Variants in COX10 observed in about 807,000 individuals in gnomAD.
The protein encoded by COX10 is cytochrome c oxidase assembly factor heme A:farnesyltransferase COX10, also known as protoheme IX farnesyltransferase, mitochondrial.
A neutral mutation model predicts 37.3 loss-of-function variants in COX10; 27 were observed. The ratio of observed to expected loss-of-function variants is 0.72; its 90% CI spans 0.53 to 1.00. The LOEUF (loss-of-function observed/expected upper bound fraction) is 1.00, where lower values mean the gene tolerates loss of function less well. COX10 is among the 50% of genes least tolerant of loss of function. The probability of loss-of-function intolerance (pLI) is 0.00; values close to 1 mark genes in which losing one functional copy is unlikely to be tolerated. For missense variants in COX10, 475 were observed against 563.2 expected (o/e 0.84, Z 1.59); for synonymous variants, 222 against 229.1 (o/e 0.97, Z 0.28).
At chr17:14,114,693 C>A (rs1916073682) in intron 4 of COX10, among the ~76,000 whole-genome samples, 1 of 152,032 alleles carries the variant, frequency 6.6e-6, no homozygotes, top group African/African-American at 2.4e-5. Flanking sequence ...ATAGTCATAT[C>A]CATATAGAAC....
rs923815297 is a variant in COX10 at position 14,131,764 on chromosome 17, C to G, written c.625-28113C>G. 3.3e-5 allele frequency among the ~76,000 whole-genome samples: 5 copies of G among 152,022 alleles called. 1 individual carries two copies. Among genetic ancestry groups the G allele is most frequent in the Non-Finnish European group, 7.4e-5 (5 of 67,926 alleles). On this transcript the variant is annotated intron_variant, in intron 4 of 6. Transcript: ENST00000261643. ...AATAATAGCAAATTCAAAGGAGTTT[C>G]ATGAGACTGAGACAGTCACTGTAAG...
At chr17:14,161,751 G>A (rs953746267) in intron 5 of COX10, among the ~76,000 whole-genome samples, 1 of 152,216 alleles carries the variant, frequency 6.6e-6, no homozygotes, top group Non-Finnish European at 1.5e-5. Flanking sequence ...TGGACTCCAG[G>A]ACATACACCA....
chr17:14,134,272 T>A (rs1916530407), intron 4 of COX10, among the ~76,000 whole-genome samples: 2 of 151,808 alleles, frequency 1.3e-5, no homozygotes, highest in African/African-American at 4.8e-5. Context: ...ATATTATTAA[T>A]CATATGCATA....
At chr17:14,087,516 T>G (rs1235743266) in intron 3 of COX10, among the ~76,000 whole-genome samples, 2 of 152,126 alleles carry the variant, frequency 1.3e-5, no homozygotes, top group Admixed American at 1.3e-4. Flanking sequence ...GTTGAACGGA[T>G]GCAGGGTTGG....
At chr17:14,076,594 C>T (rs954027797) in intron 2 of COX10, 141 bp from the exon 3 acceptor site, 1 of 787,182 alleles carries the variant, frequency 1.3e-6, no homozygotes, top group Non-Finnish European at 2.1e-6. Flanking sequence ...TCTATAAATA[C>T]ATGCCGAATT....
chr17:14,169,754 AC>A (rs1158457030), intron 5 of COX10, among the ~76,000 whole-genome samples: 1 of 152,226 alleles, frequency 6.6e-6, no homozygotes, highest in Non-Finnish European at 1.5e-5. Flanking sequence ...TTAGGGACTT[AC>A]ATTGAAGGGT....
At chr17:14,188,210 A>G (rs1906095506) in intron 5 of COX10, among the ~76,000 whole-genome samples, 1 of 75,174 alleles carries the variant, frequency 1.3e-5, no homozygotes, top group African/African-American at 3.7e-5. Flanking sequence ...AGAGTCTCAT[A>G]GGGAAAAAAA....
At chr17:14,177,451 G>A (rs1257083347) in intron 5 of COX10, 2 of 399,268 alleles carry the variant, frequency 5.0e-6, no homozygotes, top group East Asian at 7.4e-5. Context: ...AACTTCCAGG[G>A]ACACAAGAAA....
intron 5 of COX10, among the ~76,000 whole-genome samples, chr17:14,180,957 A>G (rs922060111): frequency 2.0e-5 from 3 of 152,148 alleles, no homozygotes; most frequent in African/African-American, 7.2e-5. Flanking sequence ...GTGCAAAGTC[A>G]CTTCACTGAA....
intron 6 of COX10, among the ~76,000 whole-genome samples, chr17:14,200,393 A>G (rs1038579354): frequency 2.0e-5 from 3 of 152,220 alleles, no homozygotes; most frequent in Admixed American, 6.5e-5. Flanking sequence ...ATAAAAATAC[A>G]TAGCATTTTC....
chr17:14,153,898 A>G (rs547518725), intron 4 of COX10, among the ~76,000 whole-genome samples: 1 of 152,362 alleles, frequency 6.6e-6, no homozygotes, highest in African/African-American at 2.4e-5. Context: ...GCAAGTAAAA[A>G]GATGCACAAA....
At chr17:14,205,732 T>C (rs12452172) in intron 6 of COX10, among the ~76,000 whole-genome samples, 66,690 of 152,070 alleles carry the variant, frequency 0.44, 14,810 homozygotes, top group Admixed American at 0.48. Flanking sequence ...TTTGAATTGC[T>C]CTTCCGTCTC....
intron 5 of COX10, among the ~76,000 whole-genome samples, chr17:14,181,152 G>A (rs1351914058): frequency 6.6e-6 from 1 of 152,200 alleles, no homozygotes; most frequent in African/African-American, 2.4e-5. Context: ...AGTCTTAGAG[G>A]ATGAGTAAGA....
At chr17:14,202,618 G>C (rs1350648491) in intron 6 of COX10, among the ~76,000 whole-genome samples, 1 of 152,114 alleles carries the variant, frequency 6.6e-6, no homozygotes, top group Non-Finnish European at 1.5e-5. Flanking sequence ...TGAGATGTCT[G>C]TTATGTACCT....
At chr17:14,205,205 C>T (rs1906659863) in intron 6 of COX10, among the ~76,000 whole-genome samples, 1 of 152,080 alleles carries the variant, frequency 6.6e-6, no homozygotes, top group Non-Finnish European at 1.5e-5. Context: ...TGACTCCTAA[C>T]ACGTGTTAAT....
At chr17:14,152,469 G>A (rs886394960) in intron 4 of COX10, among the ~76,000 whole-genome samples, 2 of 152,134 alleles carry the variant, frequency 1.3e-5, no homozygotes, top group South Asian at 2.1e-4. Context: ...CCCACAACAC[G>A]TGGAAATTAT....
intron 2 of COX10, among the ~76,000 whole-genome samples, chr17:14,076,398 T>C (rs1401241891): frequency 3.3e-5 from 5 of 152,122 alleles, no homozygotes; most frequent in Admixed American, 3.3e-4. Context: ...TTGAAAACTT[T>C]TTTATTGTAT....
chr17:14,172,691 G>A (rs2429235), intron 5 of COX10, among the ~76,000 whole-genome samples: 4 of 145,560 alleles, frequency 2.7e-5, no homozygotes, highest in South Asian at 2.3e-4. Flanking sequence ...GATCCTCCCC[G>A]CTCAGCCTCC....
chr17:14,161,600 C>G (rs938782960), intron 5 of COX10, among the ~76,000 whole-genome samples: 1 of 151,988 alleles, frequency 6.6e-6, no homozygotes, highest in Non-Finnish European at 1.5e-5. Context: ...GAAGATTTGC[C>G]CTCAGTATTG....
Sources: allele counts gnomAD v4.1 joint callset (sites outside exome capture counted in the v4.1 genomes callset), GRCh38; gene constraint gnomAD v4.1.1; transcripts MANE v1.5; gene names NCBI Gene and HGNC (gene_info 2026-07-23, HGNC 2026-07-21).